SAE1: variants seen among roughly 807,000 people sequenced by gnomAD.
SAE1 encodes the protein SUMO1 activating enzyme subunit 1, also known as SUMO-activating enzyme subunit 1.
In SAE1, 11 loss-of-function variants were observed where a neutral mutation model predicts 40.6. That is an observed-to-expected ratio of 0.27 (90% CI 0.17 to 0.45). The LOEUF is 0.45. Among genes scored for constraint, SAE1 ranks in the 20% least tolerant of loss-of-function variants. The probability of loss-of-function intolerance (pLI) is 1.00; values close to 1 mark genes in which losing one functional copy is unlikely to be tolerated. For synonymous variants in SAE1, 155 were observed against 154.3 expected, an observed-to-expected ratio of 1.00 and a Z score of -0.03; for missense variants, 373 against 427.3, an observed-to-expected ratio of 0.87 and a Z score of 1.12.
intron 6 of SAE1, among the ~76,000 whole-genome samples, chr19:47,193,515 C>T (rs1180396740): frequency 2.0e-5 from 3 of 151,078 alleles, no homozygotes; most frequent in Non-Finnish European, 2.9e-5. Context: ...TCTTTTCTTT[C>T]CTTTTTTTTT....
At chr19:47,177,502 G>A (rs1568601144) in intron 6 of SAE1, among the ~76,000 whole-genome samples, 1 of 152,018 alleles carries the variant, frequency 6.6e-6, no homozygotes, top group Non-Finnish European at 1.5e-5. Flanking sequence ...GGGACTACAG[G>A]CGTGTGCCAC....
At chr19:47,161,989 A>G (rs939259365) in intron 5 of SAE1, among the ~76,000 whole-genome samples, 3 of 152,210 alleles carry the variant, frequency 2.0e-5, no homozygotes, top group African/African-American at 7.2e-5. Context: ...GTTTAAATTA[A>G]TTAAAATCAA....
chr19:47,155,033 G>A (rs2058312503), intron 4 of SAE1, 81 bp from the exon 5 acceptor site: 2 of 868,862 alleles, frequency 2.3e-6, no homozygotes. Context: ...ATCCCGATCT[G>A]TGACCTGGAG....
intron 5 of SAE1, among the ~76,000 whole-genome samples, chr19:47,155,688 C>T (rs1162748862): frequency 4.0e-5 from 6 of 151,104 alleles, no homozygotes; most frequent in African/African-American, 1.2e-4. Context: ...GTGATCCACC[C>T]GCCTCAGCCT....
At chr19:47,189,719 C>T (rs1312370248) in intron 6 of SAE1, among the ~76,000 whole-genome samples, 1 of 152,128 alleles carries the variant, frequency 6.6e-6, no homozygotes, top group East Asian at 1.9e-4. Flanking sequence ...AACTCCCCTG[C>T]CCCCCACAAT....
chr19:47,136,240 G>A (rs1477341018), intron 1 of SAE1, among the ~76,000 whole-genome samples: 3 of 151,778 alleles, frequency 2.0e-5, no homozygotes, highest in Non-Finnish European at 4.4e-5. Flanking sequence ...CCAGGTTCAA[G>A]CGATTCTCCT....
At chr19:47,195,506 G>GA (rs1469781541) in intron 6 of SAE1, among the ~76,000 whole-genome samples, 4 of 152,110 alleles carry the variant, frequency 2.6e-5, no homozygotes, top group South Asian at 4.1e-4. Flanking sequence ...TGGGGATTGA[G>GA]ATAGTTTTCA....
At chr19:47,136,282 G>T (rs2058179361) in intron 1 of SAE1, among the ~76,000 whole-genome samples, 1 of 151,682 alleles carries the variant, frequency 6.6e-6, no homozygotes, top group African/African-American at 2.4e-5. Context: ...GAGATTACAG[G>T]CACCTGCCAC....
At chr19:47,179,952 G>A (rs182419109) in intron 6 of SAE1, among the ~76,000 whole-genome samples, 282 of 152,260 alleles carry the variant, frequency 1.9e-3, no homozygotes, top group Non-Finnish European at 3.3e-3. Context: ...AGTGTTAATA[G>A]TGAGAATCAA....
chr19:47,208,461 G>C (rs1215246964), intron 8 of SAE1, among the ~76,000 whole-genome samples: 3 of 151,232 alleles, frequency 2.0e-5, no homozygotes, highest in African/African-American at 2.4e-5. Flanking sequence ...TTTTTTTTGA[G>C]ACAGAGTCTC....
intron 6 of SAE1, among the ~76,000 whole-genome samples, chr19:47,187,169 C>T (rs1364279457): frequency 1.3e-5 from 2 of 152,016 alleles, no homozygotes; most frequent in African/African-American, 4.8e-5. Flanking sequence ...GGCAAGATGC[C>T]GTGAATGGTT....
At chr19:47,155,933 G>A (rs2058321396) in intron 5 of SAE1, among the ~76,000 whole-genome samples, 1 of 150,220 alleles carries the variant, frequency 6.7e-6, no homozygotes, top group Non-Finnish European at 1.5e-5. Flanking sequence ...TAGAGACGGG[G>A]TTCCACCATG....
At chr19:47,142,384 TAAAAA>T (rs371221556) in intron 1 of SAE1, 2 of 140,440 alleles carry the variant, frequency 1.4e-5, no homozygotes, top group African/African-American at 2.7e-5. Flanking sequence ...ACTCTGTCTT[TAAAAA>T]AAAAAAAAAA....
Position 47,209,210 on chromosome 19 carries a change from A to G in SAE1, c.1000A>G (p.Met334Val). 1.9e-6 allele frequency: 3 copies of G among 1,613,974 alleles called. No individual in the cohort carries two copies. The highest frequency in any genetic ancestry group is 2.5e-6 in the Non-Finnish European group (3 of 1,180,000). Residue 334 changes from methionine to valine, a missense_variant, in exon 9 of 9, where the codon ATG becomes GTG. Physicochemically the swap from Met to Val is conservative, Grantham distance 21. Around this residue, in one of 3 missense-constraint regions of SAE1, gnomAD observed 351 missense variants for 390.6 expected, o/e 0.90. Transcript: ENST00000270225. ...PHNNFFFFDG[M>V]KGNGIVECLG... The stretch of plus-strand genomic sequence containing the variant: ...CAACAACTTCTTCTTCTTCGATGGC[A>G]TGAAGGGGAATGGGATTGTGGAGTG...
chr19:47,161,949 C>T (rs938760922), intron 5 of SAE1, among the ~76,000 whole-genome samples: 47 of 152,130 alleles, frequency 3.1e-4, no homozygotes, highest in Non-Finnish European at 6.3e-4. Flanking sequence ...CTTTGCTGTC[C>T]ATTTTGGTAG....
intron 6 of SAE1, among the ~76,000 whole-genome samples, chr19:47,175,872 T>C (rs182814824): frequency 1.3e-4 from 20 of 152,350 alleles, no homozygotes; most frequent in African/African-American, 3.8e-4. Context: ...ACACAAAGAT[T>C]ATCTGAATTC....
intron 6 of SAE1, among the ~76,000 whole-genome samples, chr19:47,171,846 G>GC (rs1406458729): frequency 6.6e-6 from 1 of 151,506 alleles, no homozygotes; most frequent in African/African-American, 2.4e-5. Context: ...CAGGTGATCT[G>GC]CCCACCTCAG....
chr19:47,155,055 G>T (rs878953573), intron 4 of SAE1, 59 bp from the exon 5 acceptor site: 23 of 1,092,558 alleles, frequency 2.1e-5, no homozygotes, highest in Non-Finnish European at 2.6e-5. Context: ...GGCTTTTTTT[G>T]ATTCCAATAA....
At chr19:47,201,405 T>G (rs1213321529) in intron 7 of SAE1, among the ~76,000 whole-genome samples, 1 of 131,194 alleles carries the variant, frequency 7.6e-6, no homozygotes, top group African/African-American at 3.0e-5. Flanking sequence ...AGAGTCTTGC[T>G]GTGTCACCCA....
Sources: allele counts gnomAD v4.1 joint callset (sites outside exome capture counted in the v4.1 genomes callset), GRCh38; gene constraint gnomAD v4.1.1; regional missense constraint gnomAD v4.1.1; transcripts MANE v1.5; gene names NCBI Gene and HGNC (gene_info 2026-07-23, HGNC 2026-07-21).